ZNG1E: variants seen among roughly 807,000 people sequenced by gnomAD.
ZNG1E encodes Zn regulated GTPase metalloprotein activator 1E, also known as zinc-regulated GTPase metalloprotein activator 1E.
the ZNG1E span, among the ~76,000 whole-genome samples, chr9:65,715,113 C>G: frequency 6.7e-6 from 1 of 149,566 alleles, no homozygotes. Context: ...CGCCGTTTTT[C>G]AAGCCCGTCG....
the ZNG1E span, among the ~76,000 whole-genome samples, chr9:65,684,550 G>GCACACGCATGCA: frequency 7.5e-6 from 1 of 132,854 alleles, no homozygotes; most frequent in African/African-American, 3.1e-5. Context: ...ACACACGCAC[G>GCACACGCATGCA]CACACACACA....
chr9:65,660,387 AT>A, the ZNG1E span, among the ~76,000 whole-genome samples: 1 of 147,622 alleles, frequency 6.8e-6, no homozygotes, highest in African/African-American at 2.6e-5. Context: ...TTCAGGGAAA[AT>A]AAAAAGTTGA....
chr9:65,684,575 TACAC>T, the ZNG1E span, among the ~76,000 whole-genome samples: 9 of 140,532 alleles, frequency 6.4e-5, no homozygotes, highest in South Asian at 6.7e-4. Flanking sequence ...CACACATTCA[TACAC>T]ACACACACAA....
At chr9:65,671,637 AG>A in the ZNG1E span, among the ~76,000 whole-genome samples, 2 of 152,220 alleles carry the variant, frequency 1.3e-5, no homozygotes, top group South Asian at 4.1e-4. Flanking sequence ...CTTTTTTCTA[AG>A]TAATCTGTTG....
the ZNG1E span, among the ~76,000 whole-genome samples, chr9:65,662,626 G>T: frequency 6.6e-6 from 1 of 151,478 alleles, no homozygotes; most frequent in Non-Finnish European, 1.5e-5. Context: ...TTAATAACAA[G>T]AAATTAATGG....
chr9:65,717,966 C>T, the ZNG1E span, among the ~76,000 whole-genome samples: 1 of 146,012 alleles, frequency 6.8e-6, no homozygotes. Context: ...GGATTATAGG[C>T]ATGAGCCACC....
chr9:65,655,074 T>C, the ZNG1E span, among the ~76,000 whole-genome samples: 1 of 151,208 alleles, frequency 6.6e-6, no homozygotes, highest in African/African-American at 2.4e-5. Context: ...TCCTAGGAAA[T>C]GATATATAAG....
chr9:65,714,871 C>T, the ZNG1E span, among the ~76,000 whole-genome samples: 1 of 151,982 alleles, frequency 6.6e-6, no homozygotes, highest in Admixed American at 6.6e-5. Flanking sequence ...GCCCTGCCCC[C>T]AGAGGTGGAG....
At chr9:65,707,062 G>T in the ZNG1E span, 16 of 106,254 alleles carry the variant, frequency 1.5e-4, 5 homozygotes, top group African/African-American at 6.7e-4. Context: ...CCAAGTTGGA[G>T]TGCGGTGGTG....
the ZNG1E span, among the ~76,000 whole-genome samples, chr9:65,685,230 G>A: frequency 4.6e-5 from 7 of 152,266 alleles, no homozygotes. Flanking sequence ...TTGTCACAAT[G>A]TTGATGGGTG....
chr9:65,728,652 C>G, the ZNG1E span, among the ~76,000 whole-genome samples: 1 of 148,000 alleles, frequency 6.8e-6, no homozygotes, highest in African/African-American at 2.6e-5. Flanking sequence ...AGATACAACC[C>G]TCCTAGCTTA....
chr9:65,711,196 T>C, the ZNG1E span, among the ~76,000 whole-genome samples: 6 of 96,756 alleles, frequency 6.2e-5, no homozygotes, highest in African/African-American at 8.3e-5. Context: ...TTTTTGTACA[T>C]TGATTTTGTA....
At chr9:65,699,148 C>T in the ZNG1E span, among the ~76,000 whole-genome samples, 1 of 150,896 alleles carries the variant, frequency 6.6e-6, no homozygotes, top group South Asian at 2.1e-4. Flanking sequence ...GTCTCGAGCT[C>T]CTGACCTCAG....
At chr9:65,686,374 T>C in the ZNG1E span, among the ~76,000 whole-genome samples, 3 of 152,204 alleles carry the variant, frequency 2.0e-5, no homozygotes, top group African/African-American at 7.2e-5. Flanking sequence ...CGGTGGCTCA[T>C]GCCTGTAATC....
At chr9:65,694,137 G>A in the ZNG1E span, among the ~76,000 whole-genome samples, 6 of 150,586 alleles carry the variant, frequency 4.0e-5, no homozygotes, top group Admixed American at 6.7e-5. Flanking sequence ...AATGACTGTT[G>A]GAAATCATAT....
chr9:65,693,719 A>G, the ZNG1E span, among the ~76,000 whole-genome samples: 12 of 151,456 alleles, frequency 7.9e-5, no homozygotes. Flanking sequence ...CACCATGCCC[A>G]GCTAATTTTG....
the ZNG1E span, chr9:65,681,540 T>C: frequency 6.6e-7 from 1 of 1,513,358 alleles, no homozygotes. Flanking sequence ...CTAATGGACA[T>C]AAGCTAAAGA....
chr9:65,667,197 A>G, the ZNG1E span, among the ~76,000 whole-genome samples: 1 of 152,220 alleles, frequency 6.6e-6, no homozygotes, highest in Non-Finnish European at 1.5e-5. Context: ...TCAAGATGCA[A>G]TATGTGAACT....
At chr9:65,680,754 T>A in the ZNG1E span, among the ~76,000 whole-genome samples, 11 of 152,264 alleles carry the variant, frequency 7.2e-5, no homozygotes, top group Admixed American at 1.3e-4. Context: ...CTTAAGTAAG[T>A]ATTGCTAGGA....
Sources: gnomAD v4.1 joint callset for allele counts (sites outside exome capture counted in the v4.1 genomes callset) on GRCh38, gnomAD v4.1.1 for gene constraint, MANE v1.5 for transcripts, NCBI Gene and HGNC (gene_info 2026-07-23, HGNC 2026-07-21) for gene names.